The following VRK2 variants were observed in gnomAD, a reference collection of about 807,000 sequenced individuals.
VRK2 encodes the protein VRK serine/threonine kinase 2.
Under a neutral mutation model 57.6 loss-of-function variants are expected in VRK2, and 60 were observed. The ratio of observed to expected loss-of-function variants is 1.04; its 90% CI spans 0.85 to 1.29. The LOEUF (loss-of-function observed/expected upper bound fraction) is 1.29, where lower values mean the gene tolerates loss of function less well. VRK2 is among the 50% of genes most tolerant of loss of function. VRK2 has a pLI of 0.00. For missense variants in VRK2, 705 were observed against 588.1 expected (o/e 1.20, Z -2.06); for synonymous variants, 231 against 199.2 (o/e 1.16, Z -1.35).
intron 1 of VRK2, among the ~76,000 whole-genome samples, chr2:57,974,870 T>C (rs1230350353): frequency 6.6e-6 from 1 of 151,782 alleles, no homozygotes; most frequent in Non-Finnish European, 1.5e-5. Flanking sequence ...CATCAAACAA[T>C]ATAAAAGCTA....
At chr2:57,955,852 AT>A (rs1280000551) in intron 1 of VRK2, among the ~76,000 whole-genome samples, 6 of 152,150 alleles carry the variant, frequency 3.9e-5, no homozygotes, top group African/African-American at 1.2e-4. Context: ...AAAAGTAAAA[AT>A]TTTATTTTGG....
At chr2:58,137,037 C>CAT (rs534001281) in intron 10 of VRK2, among the ~76,000 whole-genome samples, 7 of 123,932 alleles carry the variant, frequency 5.6e-5, no homozygotes, top group African/African-American at 2.2e-4. Context: ...GTATATATAT[C>CAT]ATATATAATA....
At chr2:58,035,652 T>C (rs1674252172) in intron 3 of VRK2, among the ~76,000 whole-genome samples, 1 of 152,048 alleles carries the variant, frequency 6.6e-6, no homozygotes, top group South Asian at 2.1e-4. Flanking sequence ...CCTTATCCAA[T>C]CAATTCAACA....
At chr2:58,035,435 T>C (rs1407220808) in intron 3 of VRK2, among the ~76,000 whole-genome samples, 1 of 152,130 alleles carries the variant, frequency 6.6e-6, no homozygotes, top group Admixed American at 6.6e-5. Flanking sequence ...AGGAAAGTAT[T>C]ATGTACATTA....
intron 1 of VRK2, among the ~76,000 whole-genome samples, chr2:57,944,394 G>T (rs1309266321): frequency 2.6e-5 from 4 of 152,162 alleles, no homozygotes; most frequent in Admixed American, 2.6e-4. Flanking sequence ...GGAAAACAAA[G>T]AAATCCATGA....
intron 1 of VRK2, among the ~76,000 whole-genome samples, chr2:57,919,528 C>T (rs1670268046): frequency 1.3e-5 from 2 of 151,976 alleles, no homozygotes; most frequent in Admixed American, 1.3e-4. Flanking sequence ...TCAATATGTA[C>T]ATTCTAAATC....
intron 1 of VRK2, among the ~76,000 whole-genome samples, chr2:57,930,457 C>T (rs751295866): frequency 2.6e-5 from 4 of 152,164 alleles, no homozygotes; most frequent in African/African-American, 4.8e-5. Flanking sequence ...GGGGTGGCAT[C>T]AGCAATTCAA....
chr2:57,919,576 T>C (rs375728080), intron 1 of VRK2, among the ~76,000 whole-genome samples: 10 of 152,218 alleles, frequency 6.6e-5, no homozygotes, highest in African/African-American at 2.2e-4. Context: ...TAGAGCTTCA[T>C]GTGACAAAAA....
At chr2:58,005,272 CTAAA>C (rs1673207534) in intron 1 of VRK2, among the ~76,000 whole-genome samples, 1 of 152,066 alleles carries the variant, frequency 6.6e-6, no homozygotes, top group Admixed American at 6.6e-5. Flanking sequence ...AAAATATTAT[CTAAA>C]TAGATTGCTT....
At chr2:58,066,539 C>A (rs1369180758) in intron 2 of VRK2, among the ~76,000 whole-genome samples, 1 of 151,984 alleles carries the variant, frequency 6.6e-6, no homozygotes, top group Admixed American at 6.6e-5. Context: ...TTATTTATTT[C>A]CCCTACCATC....
chr2:58,012,468 AG>A (rs1169348126), intron 1 of VRK2, among the ~76,000 whole-genome samples: 2 of 152,168 alleles, frequency 1.3e-5, no homozygotes, highest in African/African-American at 2.4e-5. Flanking sequence ...ATTGTTCAAG[AG>A]GTTTTTTTTA....
chr2:57,944,850 G>A lies in VRK2; in HGVS notation c.-439+37011G>A, dbSNP rs547947461. 2.6e-5 allele frequency among the ~76,000 whole-genome samples: 4 copies of A among 151,820 alleles called. No individual in the cohort carries two copies. The South Asian group carries it at 8.3e-4, about 32-fold the overall frequency. ...TTTTTTTCAAGAAGATGAAGAAAGAGGAAAAAGAAGAAAAACGTGGAGCAG... is the reference window on the plus strand; with the variant it reads ...TTTTTTTCAAGAAGATGAAGAAAGAAGAAAAAGAAGAAAAACGTGGAGCAG... On this transcript the variant is annotated intron_variant, in intron 1 of 15. Transcript: ENST00000417641.
intron 1 of VRK2, among the ~76,000 whole-genome samples, chr2:57,929,815 A>G (rs768128890): frequency 3.3e-5 from 5 of 152,068 alleles, no homozygotes; most frequent in Admixed American, 6.6e-5. Context: ...CTTCAAGGCA[A>G]TGGGTTCCTT....
At chr2:58,094,002 C>G (rs1309392671) in intron 7 of VRK2, among the ~76,000 whole-genome samples, 1 of 152,150 alleles carries the variant, frequency 6.6e-6, no homozygotes, top group Non-Finnish European at 1.5e-5. Context: ...TCTGAGGGCT[C>G]TGTTCTGTTC....
At chr2:58,001,153 T>C (rs1354330779) in intron 1 of VRK2, among the ~76,000 whole-genome samples, 6 of 152,240 alleles carry the variant, frequency 3.9e-5, no homozygotes, top group Admixed American at 3.9e-4. Flanking sequence ...TTTTGAACTG[T>C]AGGATAAACC....
At chr2:58,141,451 C>G (rs1681320934) in intron 11 of VRK2, among the ~76,000 whole-genome samples, 1 of 151,810 alleles carries the variant, frequency 6.6e-6, no homozygotes, top group Admixed American at 6.6e-5. Context: ...AATGAGCCTC[C>G]ATCAAGAATA....
chr2:57,975,901 G>T (rs1364803449), intron 1 of VRK2, among the ~76,000 whole-genome samples: 4 of 151,640 alleles, frequency 2.6e-5, no homozygotes, highest in African/African-American at 7.3e-5. Context: ...GGTATTTTTT[G>T]ACCCTCACCC....
At chr2:58,155,603 AGT>A (rs1402089879) in intron 12 of VRK2, among the ~76,000 whole-genome samples, 2 of 152,040 alleles carry the variant, frequency 1.3e-5, no homozygotes, top group African/African-American at 4.8e-5. Flanking sequence ...TCACCTTGTT[AGT>A]GTGAGGACGG....
chr2:57,947,305 T>A (rs1339449713), intron 1 of VRK2, among the ~76,000 whole-genome samples: 1 of 152,196 alleles, frequency 6.6e-6, no homozygotes, highest in African/African-American at 2.4e-5. Context: ...ATATTAATAT[T>A]CCTGGATTAG....
Sources: allele counts gnomAD v4.1 joint callset (sites outside exome capture counted in the v4.1 genomes callset), GRCh38; gene constraint gnomAD v4.1.1; transcripts MANE v1.5; gene names NCBI Gene and HGNC (gene_info 2026-07-23, HGNC 2026-07-21).